The following KIFAP3 variants were observed in gnomAD, a reference collection of about 807,000 sequenced individuals.
KIFAP3 encodes the protein kinesin-associated protein 3.
KIFAP3 carries 68 observed loss-of-function variants against 106.5 expected under a neutral mutation model. The ratio of observed to expected loss-of-function variants is 0.64; its 90% CI spans 0.53 to 0.78. The LOEUF (loss-of-function observed/expected upper bound fraction) is 0.78, where lower values mean the gene tolerates loss of function less well. KIFAP3 is among the 30% of genes least tolerant of loss of function. The probability of loss-of-function intolerance (pLI) is 0.00; values close to 1 mark genes in which losing one functional copy is unlikely to be tolerated. For synonymous variants in KIFAP3, 320 were observed against 311.5 expected, an observed-to-expected ratio of 1.03 and a Z score of -0.29; for missense variants, 780 against 941.8, an observed-to-expected ratio of 0.83 and a Z score of 2.25.
At chr1:169,962,614 T>C (rs892668578) in intron 17 of KIFAP3, among the ~76,000 whole-genome samples, 1 of 152,134 alleles carries the variant, frequency 6.6e-6, no homozygotes, top group South Asian at 2.1e-4. Flanking sequence ...GTAGACCAAA[T>C]ATATATTTTA....
At chr1:169,999,097 T>C (rs1010060199) in intron 10 of KIFAP3, among the ~76,000 whole-genome samples, 1 of 152,152 alleles carries the variant, frequency 6.6e-6, no homozygotes, top group African/African-American at 2.4e-5. Context: ...TAAACAGCTA[T>C]TAGAGAGATT....
At chr1:170,040,986 C>A (rs1281757097) in intron 3 of KIFAP3, among the ~76,000 whole-genome samples, 2 of 151,986 alleles carry the variant, frequency 1.3e-5, no homozygotes, top group East Asian at 1.9e-4. Context: ...CCACAACGCC[C>A]AGCTATTTTT....
chr1:169,973,334 A>G (rs767959750), intron 16 of KIFAP3, among the ~76,000 whole-genome samples: 9 of 150,276 alleles, frequency 6.0e-5, no homozygotes, highest in Non-Finnish European at 1.2e-4. Context: ...TTAGAAAATG[A>G]CAGATATTAG....
Position 170,043,425 on chromosome 1 carries a change from C to T in KIFAP3, c.319+3287G>A, listed in dbSNP as rs539554285. On this transcript the variant is annotated intron_variant, in intron 3 of 19. Coordinates refer to ENST00000361580, the MANE Select transcript of KIFAP3 (RefSeq NM_014970.4). ...CTTTACCCTGAGAAAAGGGACTGTG[C>T]GACTCCACCTATAACTGCCAAGTGG... Among the ~76,000 whole-genome samples the T allele has an allele frequency of 5.9e-5, 9 of 152,226 alleles. 1 individual carries two copies. The highest frequency in any genetic ancestry group is 1.9e-4 in the African/African-American group (8 of 41,540).
chr1:169,969,416 T>C (rs1665792868), intron 17 of KIFAP3, among the ~76,000 whole-genome samples: 1 of 152,070 alleles, frequency 6.6e-6, no homozygotes, highest in African/African-American at 2.4e-5. Flanking sequence ...ATGTAGAAGC[T>C]ACATTTAAAG....
At chr1:169,977,152 A>G (rs1197470265) in intron 16 of KIFAP3, among the ~76,000 whole-genome samples, 1 of 152,210 alleles carries the variant, frequency 6.6e-6, no homozygotes, top group Non-Finnish European at 1.5e-5. Context: ...ATCTGTTTAG[A>G]TGGTCAAAGC....
Position 170,048,862 on chromosome 1 carries a change from A to G in KIFAP3, c.165-1996T>C, listed in dbSNP as rs1415136996. On this transcript the variant is annotated intron_variant, in intron 2 of 19. Coordinates refer to ENST00000361580, the MANE Select transcript of KIFAP3 (RefSeq NM_014970.4). ...TCAGGAGAATCCTTGGTGAGCCTAT[A>G]ACACCTGGGCCCTGGATTTCAAGCA... Among the ~76,000 whole-genome samples the G allele has an allele frequency of 2.6e-5, 4 of 152,144 alleles. No homozygotes were observed. In the South Asian group the frequency reaches 6.2e-4, roughly 24 times the overall value.
intron 10 of KIFAP3, among the ~76,000 whole-genome samples, chr1:169,996,050 C>A (rs2101945029): frequency 6.6e-6 from 1 of 152,128 alleles, no homozygotes; most frequent in East Asian, 1.9e-4. Context: ...AGAAGCAGTT[C>A]TCAGATATAA....
intron 5 of KIFAP3, 52 bp downstream of exon 5, chr1:170,038,238 A>G (rs1412015391): frequency 2.2e-6 from 3 of 1,371,340 alleles, no homozygotes; most frequent in Admixed American, 2.6e-5. Flanking sequence ...TTTTGTATAA[A>G]TAACTGTAAC....
Position 170,009,411 on chromosome 1 carries a change from TTTATTA to T in KIFAP3, c.1183+7045_1183+7050del, listed in dbSNP as rs144950904. On this transcript the variant is annotated intron_variant, in intron 10 of 19. Transcript: ENST00000361580. ...AAGAGTTCACCAGTGAAATGCCACT[TTTATTA>T]TTATTATTATTATGTATGCACTCTG... Among the ~76,000 whole-genome samples, 513 of 151,712 alleles carry T rather than the reference TTTATTA, an allele frequency of 3.4e-3. 3 individuals carry two copies. Among genetic ancestry groups the T allele is most frequent in the African/African-American group, 0.012 (484 of 41,406 alleles).
chr1:170,029,611 A>G (rs564836610), intron 8 of KIFAP3, among the ~76,000 whole-genome samples: 3 of 152,084 alleles, frequency 2.0e-5, no homozygotes, highest in Admixed American at 1.3e-4. Context: ...AACAACAACA[A>G]CAAAAAATAA....
At chr1:170,073,181 C>A (rs1164172277) in intron 1 of KIFAP3, among the ~76,000 whole-genome samples, 5 of 151,992 alleles carry the variant, frequency 3.3e-5, no homozygotes, top group Admixed American at 1.3e-4. Context: ...AATTTTTAAC[C>A]AAGGTATTTT....
chr1:169,963,541 G>A (rs1665448554), intron 17 of KIFAP3, among the ~76,000 whole-genome samples: 1 of 152,058 alleles, frequency 6.6e-6, no homozygotes, highest in Admixed American at 6.6e-5. Context: ...TACCCATGCT[G>A]GAGGGTGGTG....
intron 10 of KIFAP3, among the ~76,000 whole-genome samples, chr1:170,010,249 A>T (rs192377690): frequency 4.6e-5 from 7 of 152,172 alleles, no homozygotes; most frequent in African/African-American, 1.4e-4. Context: ...GGAACCAATT[A>T]AAATTTTAGA....
intron 14 of KIFAP3, 27 bp from the exon 15 acceptor site, chr1:169,982,124 T>A (rs771716122): frequency 2.5e-6 from 4 of 1,608,208 alleles, no homozygotes; most frequent in Non-Finnish European, 3.4e-6. Flanking sequence ...ATAGAAAGTT[T>A]TCACTGAAAT....
intron 1 of KIFAP3, among the ~76,000 whole-genome samples, chr1:170,064,903 C>T (rs1056565635): frequency 6.6e-6 from 1 of 152,198 alleles, no homozygotes; most frequent in Non-Finnish European, 1.5e-5. Flanking sequence ...ATTAAATTTG[C>T]ATCCTTGCTC....
chr1:170,054,140 A>G (rs1670718585), intron 2 of KIFAP3, among the ~76,000 whole-genome samples: 1 of 152,192 alleles, frequency 6.6e-6, no homozygotes, highest in Non-Finnish European at 1.5e-5. Flanking sequence ...ACTTAAACAA[A>G]TTTACAAGAG....
intron 6 of KIFAP3, among the ~76,000 whole-genome samples, chr1:170,034,991 G>A (rs1487226333): frequency 6.6e-6 from 1 of 151,796 alleles, no homozygotes; most frequent in African/African-American, 2.4e-5. Context: ...AATTATCTAG[G>A]AATTGGGTAG....
intron 17 of KIFAP3, 75 bp from the exon 18 acceptor site, chr1:169,961,310 C>T (rs560259787): frequency 8.2e-7 from 1 of 1,218,248 alleles, no homozygotes; most frequent in African/African-American, 1.5e-5. Context: ...ATTTTTATCT[C>T]TTGAGAATTT....
Sources: allele counts gnomAD v4.1 joint callset (sites outside exome capture counted in the v4.1 genomes callset), GRCh38; gene constraint gnomAD v4.1.1; transcripts MANE v1.5; gene names NCBI Gene and HGNC (gene_info 2026-07-23, HGNC 2026-07-21).